The following GRM7 variants were observed in gnomAD, a reference collection of about 807,000 sequenced individuals.
GRM7 encodes glutamate metabotropic receptor 7.
GRM7 carries 35 observed loss-of-function variants against 84.5 expected under a neutral mutation model. The observed-to-expected ratio is 0.41, with a 90% CI of 0.32 to 0.55. GRM7 has a LOEUF of 0.55. Ranked by LOEUF, GRM7 falls within the 20% of genes least tolerant of loss-of-function variation. The pLI is 0.19. For synonymous variants in GRM7, 487 were observed against 455.1 expected, an observed-to-expected ratio of 1.07 and a Z score of -0.89; for missense variants, 1,003 against 1,194.6, an observed-to-expected ratio of 0.84 and a Z score of 2.36.
At chr3:7,713,114 A>ATTTTTTTTTTTTTTTTTT (rs1165234212) in intron 9 of GRM7, among the ~76,000 whole-genome samples, 1 of 129,852 alleles carries the variant, frequency 7.7e-6, no homozygotes, top group Non-Finnish European at 1.6e-5. Flanking sequence ...GAGGATTCGA[A>ATTTTTTTTTTTTTTTTTT]TTTTGTTTTG....
intron 2 of GRM7, among the ~76,000 whole-genome samples, chr3:7,201,205 G>A (rs1248007541): frequency 6.6e-6 from 1 of 151,874 alleles, no homozygotes; most frequent in Non-Finnish European, 1.5e-5. Context: ...TTCTGACCTC[G>A]TGATCTGCCC....
chr3:6,936,578 A>C (rs185491098), intron 1 of GRM7, among the ~76,000 whole-genome samples: 458 of 152,226 alleles, frequency 3.0e-3, no homozygotes, highest in Non-Finnish European at 5.3e-3. Context: ...TGTACTTAAA[A>C]ATTCTTTTTT....
chr3:7,113,131 A>G (rs980386321), intron 1 of GRM7, among the ~76,000 whole-genome samples: 10 of 152,174 alleles, frequency 6.6e-5, no homozygotes, highest in South Asian at 2.1e-4. Context: ...TTTTAACACT[A>G]TAAAACACAC....
intron 7 of GRM7, among the ~76,000 whole-genome samples, chr3:7,479,737 C>G (rs1699057663): frequency 6.6e-6 from 1 of 152,114 alleles, no homozygotes; most frequent in African/African-American, 2.4e-5. Flanking sequence ...AGGTCCCCAA[C>G]TATGCTATTG....
chr3:7,174,951 T>C (rs1695096929), intron 2 of GRM7, among the ~76,000 whole-genome samples: 2 of 152,304 alleles, frequency 1.3e-5, no homozygotes, highest in South Asian at 4.1e-4. Flanking sequence ...TATAGACTGA[T>C]TATGATGAAT....
intron 2 of GRM7, among the ~76,000 whole-genome samples, chr3:7,221,062 A>C (rs573027464): frequency 6.6e-6 from 1 of 152,306 alleles, no homozygotes; most frequent in East Asian, 1.9e-4. Flanking sequence ...ACACCACTGC[A>C]CTACAGCCTG....
At chr3:7,255,176 A>T (rs567299247) in intron 2 of GRM7, among the ~76,000 whole-genome samples, 5 of 152,356 alleles carry the variant, frequency 3.3e-5, no homozygotes, top group Non-Finnish European at 5.9e-5. Flanking sequence ...GGAATCTATC[A>T]TCTTTGACCT....
chr3:7,413,970 A>G (rs1157038320), intron 4 of GRM7, among the ~76,000 whole-genome samples: 1 of 152,146 alleles, frequency 6.6e-6, no homozygotes, highest in African/African-American at 2.4e-5. Flanking sequence ...GGTGTCAGAA[A>G]CCAGGGTCTG....
At chr3:6,872,837 C>A (rs1259518717) in intron 1 of GRM7, among the ~76,000 whole-genome samples, 1 of 152,116 alleles carries the variant, frequency 6.6e-6, no homozygotes. Context: ...TGTATATGTG[C>A]CACATTTTCT....
chr3:7,330,446 C>A (rs529907357), intron 4 of GRM7, among the ~76,000 whole-genome samples: 10 of 152,238 alleles, frequency 6.6e-5, no homozygotes, highest in African/African-American at 2.4e-4. Context: ...CCTTTCTTTC[C>A]CTTTTTAATG....
chr3:7,015,935 A>G (rs1695548725), intron 1 of GRM7, among the ~76,000 whole-genome samples: 1 of 152,218 alleles, frequency 6.6e-6, no homozygotes, highest in Non-Finnish European at 1.5e-5. Flanking sequence ...CCCACACTCA[A>G]TGGGAGGGTA....
intron 4 of GRM7, among the ~76,000 whole-genome samples, chr3:7,357,985 G>A (rs1202042454): frequency 3.3e-5 from 5 of 152,100 alleles, no homozygotes; most frequent in Non-Finnish European, 7.4e-5. Flanking sequence ...CTGCAGGCAT[G>A]TGACATTATG....
intron 7 of GRM7, among the ~76,000 whole-genome samples, chr3:7,494,263 C>T (rs1206374173): frequency 6.6e-6 from 1 of 152,104 alleles, no homozygotes; most frequent in Non-Finnish European, 1.5e-5. Context: ...TTACAGTGAG[C>T]AGTTATCTTC....
chr3:6,945,187 T>C (rs1457871459), intron 1 of GRM7, among the ~76,000 whole-genome samples: 2 of 152,146 alleles, frequency 1.3e-5, no homozygotes, highest in Non-Finnish European at 2.9e-5. Context: ...GCATTAGTTA[T>C]ATCTCCTAAT....
chr3:7,502,584 A>T (rs201293993), intron 7 of GRM7, among the ~76,000 whole-genome samples: 1 of 151,922 alleles, frequency 6.6e-6, no homozygotes, highest in Non-Finnish European at 1.5e-5. Flanking sequence ...GTGTGTGTGT[A>T]TGTGTGTGTG....
chr3:7,362,695 C>A (rs1911901), intron 4 of GRM7, among the ~76,000 whole-genome samples: 62,026 of 151,792 alleles, frequency 0.41, 12,827 homozygotes, highest in East Asian at 0.57. Context: ...GTGTAATAAG[C>A]ATAATAACCT....
chr3:7,077,802 T>C (rs1559424359), intron 1 of GRM7, among the ~76,000 whole-genome samples: 1 of 152,106 alleles, frequency 6.6e-6, no homozygotes, highest in Non-Finnish European at 1.5e-5. Context: ...AAGTGACAAA[T>C]GGGAGCTATT....
At chr3:7,158,897 G>A (rs1440534431) in intron 2 of GRM7, among the ~76,000 whole-genome samples, 3 of 152,134 alleles carry the variant, frequency 2.0e-5, no homozygotes, top group Non-Finnish European at 4.4e-5. Context: ...CTTAAAGGTA[G>A]TTTAGCTACA....
chr3:7,063,118 T>C (rs1368618811), intron 1 of GRM7, among the ~76,000 whole-genome samples: 2 of 151,666 alleles, frequency 1.3e-5, no homozygotes, highest in Non-Finnish European at 3.0e-5. Flanking sequence ...TTTTTAAACA[T>C]GCCCACTGTT....
Sources: allele counts gnomAD v4.1 joint callset (sites outside exome capture counted in the v4.1 genomes callset), GRCh38; gene constraint gnomAD v4.1.1; transcripts MANE v1.5; gene names NCBI Gene and HGNC (gene_info 2026-07-23, HGNC 2026-07-21).